UBA2: variants seen among roughly 807,000 people sequenced by gnomAD.
UBA2 encodes ubiquitin like modifier activating enzyme 2.
In UBA2, 11 loss-of-function variants were observed where a neutral mutation model predicts 77.2. The ratio of observed to expected loss-of-function variants is 0.14; its 90% CI spans 0.09 to 0.24. The LOEUF is 0.24. Among genes scored for constraint, UBA2 ranks in the 10% least tolerant of loss-of-function variants. UBA2 has a pLI of 1.00. For missense variants in UBA2, 487 were observed against 781.7 expected (o/e 0.62, Z 4.50); for synonymous variants, 278 against 276.7 (o/e 1.00, Z -0.05).
chr19:34,438,732 A>G lies in UBA2; in HGVS notation c.547A>G (p.Ile183Val), dbSNP rs976926940. ...AATTCGTAACACACCTTCAGAACCTATACATTGCATCGTTTGGGCAAAGTA... is the reference window on the plus strand; with the variant it reads ...AATTCGTAACACACCTTCAGAACCTGTACATTGCATCGTTTGGGCAAAGTA... Reference protein sequence around the residue: ...CTIRNTPSEPIHCIVWAKYLF... With the variant: ...CTIRNTPSEPVHCIVWAKYLF... The change falls in exon 6 of 17, where the codon ATA (isoleucine) becomes GTA (valine). Residue 183 changes from isoleucine (I) to valine (V), a missense_variant. Transcript: ENST00000246548. 2 of 1,614,008 alleles carry G rather than the reference A, an allele frequency of 1.2e-6. No homozygotes were observed. Among genetic ancestry groups the G allele is most frequent in the African/African-American group, 1.3e-5 (1 of 74,906 alleles).
chr19:34,455,134 T>C (rs1375144057), intron 12 of UBA2, among the ~76,000 whole-genome samples: 1 of 152,224 alleles, frequency 6.6e-6, no homozygotes, highest in Non-Finnish European at 1.5e-5. Context: ...GTGGTTATTA[T>C]ATTTGGGTGC....
At position 34,462,144 on chromosome 19, in the gene UBA2, C is replaced by T. The variant is rs111593710; in HGVS notation, c.1498+1578C>T. Among the ~76,000 whole-genome samples, 1,331 of 152,260 alleles carry T rather than the reference C, an allele frequency of 8.7e-3. 10 individuals carry two copies. Among genetic ancestry groups the T allele is most frequent in the Non-Finnish European group, 0.012 (836 of 68,022 alleles). Reference sequence around the variant, plus strand: ...TTCCTCCTCTCCCTTGACCCCTACCCTCCAGAGGAAGGGGCAGTATTTCAC... The same window carrying T: ...TTCCTCCTCTCCCTTGACCCCTACCTTCCAGAGGAAGGGGCAGTATTTCAC... On this transcript the variant is annotated intron_variant, in intron 14 of 16. Transcript: ENST00000246548.
chr19:34,459,018 C>G (rs920853390), intron 13 of UBA2, 94 bp downstream of exon 13: 5 of 1,312,458 alleles, frequency 3.8e-6, no homozygotes, highest in Non-Finnish European at 5.2e-6. Flanking sequence ...AAAGGTCCAA[C>G]TGCAGAGATG....
At chr19:34,444,032 TG>T in intron 7 of UBA2, 121 bp downstream of exon 7, 37 of 362,320 alleles carry the variant, frequency 1.0e-4, no homozygotes, top group East Asian at 2.1e-4. Context: ...GTTTAACATG[TG>T]TTTTTTTTTT....
chr19:34,447,069 T>C lies in UBA2; in HGVS notation c.771+1948T>C, dbSNP rs143105576. 3.4e-3 allele frequency among the ~76,000 whole-genome samples: 515 copies of C among 152,196 alleles called. 3 individuals carry two copies. Among genetic ancestry groups the C allele is most frequent in the Non-Finnish European group, 6.0e-3 (405 of 68,014 alleles). Reference sequence around the variant, plus strand: ...TTCACACGATCACAAGGCCCAACAATAGGCCCATCTGCAAGCTGAGGAGCA... The same window carrying C: ...TTCACACGATCACAAGGCCCAACAACAGGCCCATCTGCAAGCTGAGGAGCA... On this transcript the variant is annotated intron_variant, in intron 8 of 16. Coordinates refer to ENST00000246548, the MANE Select transcript of UBA2 (RefSeq NM_005499.3).
At chr19:34,450,426 G>C (rs1290065512) in intron 9 of UBA2, 62 bp downstream of exon 9, 20 of 1,147,306 alleles carry the variant, frequency 1.7e-5, no homozygotes, top group Non-Finnish European at 2.5e-5. Flanking sequence ...TAAAGTCTTT[G>C]TATAGCCCTG....
chr19:34,438,547 C>T (rs1167902962), intron 5 of UBA2, 98 bp from the exon 6 acceptor site: 12 of 1,425,454 alleles, frequency 8.4e-6, no homozygotes, highest in East Asian at 2.4e-5. Context: ...CAACGTAAAA[C>T]GTAGTTGGAA....
chr19:34,428,671 C>T (rs1018493485), intron 1 of UBA2, 101 bp downstream of exon 1: 7 of 1,218,962 alleles, frequency 5.7e-6, no homozygotes, highest in East Asian at 6.4e-5. Context: ...GGGCCCGGAG[C>T]CCGGGACCGG....
At position 34,434,838 on chromosome 19, in the gene UBA2, A is replaced by C. The variant is rs937138338; in HGVS notation, c.359-30A>C. On this transcript the variant is annotated intron_variant, in intron 4 of 16. Transcript: ENST00000246548. ...AAAGATAACTAATTTTTTTTTTCCC[A>C]AAAACTCATACTGTTTGTTTTACTT... is the stretch of plus-strand genomic sequence containing the variant. 4.5e-6 allele frequency: 7 copies of C among 1,539,570 alleles called. No homozygotes were observed. In the African/African-American group the frequency reaches 5.5e-5, roughly 12 times the overall value.
intron 12 of UBA2, among the ~76,000 whole-genome samples, chr19:34,457,179 A>AAAAAAAAATATATATATATAT (rs1262007864): frequency 1.9e-5 from 1 of 53,222 alleles, no homozygotes; most frequent in African/African-American, 1.2e-4. Flanking sequence ...AAAAAAAAAA[A>AAAAAAAAATATATATATATAT]ATATATATAT....
At chr19:34,438,909 C>A in intron 6 of UBA2, 143 bp downstream of exon 6, 1 of 1,200,878 alleles carries the variant, frequency 8.3e-7, no homozygotes, top group Admixed American at 2.4e-5. Context: ...TGCAGTATTT[C>A]TTAGGTTAAA....
chr19:34,461,973 T>G (rs1484187723), intron 14 of UBA2, among the ~76,000 whole-genome samples: 1 of 152,172 alleles, frequency 6.6e-6, no homozygotes, highest in Non-Finnish European at 1.5e-5. Context: ...AGAATGAACA[T>G]CTGTCTACAA....
chr19:34,458,583 A>G (rs2075597328), intron 12 of UBA2, 186 bp from the exon 13 acceptor site: 1 of 354,226 alleles, frequency 2.8e-6, no homozygotes, highest in African/African-American at 2.2e-5. Context: ...AAAAAAAAAA[A>G]AAAAAAAAAG....
In UBA2 at chr19:34,460,463, T is replaced by G. The variant is rs1488992035; in HGVS notation, c.1402-7T>G. 11 of 1,535,692 alleles carry G rather than the reference T, an allele frequency of 7.2e-6. No individual in the cohort carries two copies. Among genetic ancestry groups the G allele is most frequent in the Admixed American group, 2.1e-5 (1 of 48,194 alleles). ...AATATTTTGAATCCTTTTTTTTTTT[T>G]TTGTAGATAGTGAAAGAAAAATTTG... On this transcript the variant is annotated splice_region_variant and splice_polypyrimidine_tract_variant and intron_variant, in intron 13 of 16. Coordinates refer to ENST00000246548, the MANE Select transcript of UBA2 (RefSeq NM_005499.3).
At chr19:34,428,833 TGTGGCGCTTC>T (rs2075218633) in intron 1 of UBA2, 1 of 1,134,388 alleles carries the variant, frequency 8.8e-7, no homozygotes, top group Non-Finnish European at 1.1e-6. Flanking sequence ...AGCGCCAATG[TGTGGCGCTTC>T]GTGGGCGTGA....
intron 6 of UBA2, among the ~76,000 whole-genome samples, chr19:34,442,997 GTTA>G (rs2075386994): frequency 6.6e-6 from 1 of 152,126 alleles, no homozygotes; most frequent in Non-Finnish European, 1.5e-5. Flanking sequence ...ATATCCATGA[GTTA>G]TTAAACAGTT....
intron 8 of UBA2, among the ~76,000 whole-genome samples, chr19:34,446,541 C>T (rs1489515906): frequency 6.6e-6 from 1 of 151,876 alleles, no homozygotes; most frequent in Non-Finnish European, 1.5e-5. Flanking sequence ...ACATACTGCT[C>T]TCCCCAGCTT....
chr19:34,441,321 G>T (rs2075366562), intron 6 of UBA2, among the ~76,000 whole-genome samples: 1 of 152,076 alleles, frequency 6.6e-6, no homozygotes, highest in South Asian at 2.1e-4. Context: ...CGGATGTGGT[G>T]GTGGGTGCCT....
At chr19:34,463,098 A>G (rs571783418) in intron 14 of UBA2, among the ~76,000 whole-genome samples, 161 of 147,364 alleles carry the variant, frequency 1.1e-3, no homozygotes, top group Non-Finnish European at 1.7e-3. Context: ...CTCTGTCTCA[A>G]AAAAAAAAAA....
Sources: gnomAD v4.1 joint callset for allele counts (sites outside exome capture counted in the v4.1 genomes callset) on GRCh38, gnomAD v4.1.1 for gene constraint, MANE v1.5 for transcripts, NCBI Gene and HGNC (gene_info 2026-07-23, HGNC 2026-07-21) for gene names.